LIMCH1: variants seen among roughly 807,000 people sequenced by gnomAD.
LIMCH1 encodes LIM and calponin homology domains 1.
In LIMCH1, 113 loss-of-function variants were observed where a neutral mutation model predicts 176.5. That is an observed-to-expected ratio of 0.64 (90% confidence interval 0.55 to 0.75). The LOEUF (loss-of-function observed/expected upper bound fraction) is 0.75, where lower values mean the gene tolerates loss of function less well. Among genes scored for constraint, LIMCH1 ranks in the 30% least tolerant of loss-of-function variants. LIMCH1 has a pLI of 0.00. For missense variants in LIMCH1, 1,674 were observed against 1,814.9 expected (o/e 0.92, Z 1.41); for synonymous variants, 619 against 645.9 (o/e 0.96, Z 0.63).
intron 1 of LIMCH1, among the ~76,000 whole-genome samples, chr4:41,551,799 G>A (rs2080471285): frequency 6.6e-6 from 1 of 152,118 alleles, no homozygotes; most frequent in Non-Finnish European, 1.5e-5. Flanking sequence ...ATACCACAGT[G>A]GCAGAGTAGA....
intron 1 of LIMCH1, among the ~76,000 whole-genome samples, chr4:41,375,229 G>T (rs2054559092): frequency 6.6e-6 from 1 of 152,152 alleles, no homozygotes; most frequent in South Asian, 2.1e-4. Context: ...GTGAGTATAA[G>T]ATTATAAGCT....
intron 19 of LIMCH1, 60 bp downstream of exon 19, chr4:41,661,570 G>A (rs2094620654): frequency 8.2e-7 from 1 of 1,219,636 alleles, no homozygotes; most frequent in Admixed American, 1.9e-5. Context: ...AGATGTAATG[G>A]AAATAGTCAA....
intron 1 of LIMCH1, chr4:41,472,980 C>CTTT: frequency 2.6e-6 from 2 of 778,400 alleles, no homozygotes; most frequent in Non-Finnish European, 3.1e-6. Context: ...TGCTGTAAGC[C>CTTT]TTTTTTTTTT....
At chr4:41,394,186 T>A (rs1314803337) in intron 1 of LIMCH1, among the ~76,000 whole-genome samples, 2 of 152,152 alleles carry the variant, frequency 1.3e-5, no homozygotes, top group Middle Eastern at 3.2e-3. Context: ...ATTGACAGTT[T>A]TGATTGAGTC....
rs200145282 is a variant in LIMCH1 at position 41,554,396 on chromosome 4, T to G, written c.-241+16046T>G. 4.6e-5 allele frequency among the ~76,000 whole-genome samples: 7 copies of G among 152,184 alleles called. No individual in the cohort carries two copies. The East Asian group carries it at 1.3e-3, about 29-fold the overall frequency. ...GTTGGCAATGCCAGGCATGTGCTCATGCTTCCCAATTCCTTCTGCTGTCAC... is the reference window on the plus strand; with the variant it reads ...GTTGGCAATGCCAGGCATGTGCTCAGGCTTCCCAATTCCTTCTGCTGTCAC... On this transcript the variant is annotated intron_variant, in intron 1 of 31. Transcript: ENST00000503057.
chr4:41,479,243 A>G (rs1327037478), intron 1 of LIMCH1, among the ~76,000 whole-genome samples: 1 of 152,138 alleles, frequency 6.6e-6, no homozygotes, highest in South Asian at 2.1e-4. Context: ...TATAACCACC[A>G]TGCCATTATC....
intron 18 of LIMCH1, among the ~76,000 whole-genome samples, chr4:41,657,890 C>T (rs2094506320): frequency 6.6e-6 from 1 of 151,822 alleles, no homozygotes; most frequent in Non-Finnish European, 1.5e-5. Flanking sequence ...CAGGAGAGTT[C>T]TAATCTTTTG....
chr4:41,560,401 G>A (rs60476640), intron 1 of LIMCH1, among the ~76,000 whole-genome samples: 8,865 of 152,250 alleles, frequency 0.058, 838 homozygotes, highest in African/African-American at 0.2. Flanking sequence ...AAGTCTGACT[G>A]TCATTTACCT....
At chr4:41,518,574 G>A (rs563922849) in intron 2 of LIMCH1, among the ~76,000 whole-genome samples, 1 of 152,190 alleles carries the variant, frequency 6.6e-6, no homozygotes, top group East Asian at 1.9e-4. Context: ...TTTCTTTTTT[G>A]TTGTTAATTT....
chr4:41,549,063 T>A (rs1005952691), intron 1 of LIMCH1, among the ~76,000 whole-genome samples: 1 of 151,154 alleles, frequency 6.6e-6, no homozygotes, highest in Non-Finnish European at 1.5e-5. Flanking sequence ...CTGTTAATTT[T>A]TTTTTTTAAA....
intron 18 of LIMCH1, among the ~76,000 whole-genome samples, chr4:41,658,485 G>T (rs1156510867): frequency 6.6e-6 from 1 of 152,178 alleles, no homozygotes; most frequent in South Asian, 2.1e-4. Flanking sequence ...GCTGGAATGT[G>T]GTATGCTGGT....
chr4:41,386,102 A>C (rs2056457213), intron 1 of LIMCH1: 1 of 152,224 alleles, frequency 6.6e-6, no homozygotes, highest in Non-Finnish European at 1.5e-5. Flanking sequence ...AAGTAGAATC[A>C]AGCCATGTAC....
chr4:41,443,508 A>G (rs6851321), intron 1 of LIMCH1, among the ~76,000 whole-genome samples: 19,441 of 152,222 alleles, frequency 0.13, 3,730 homozygotes, highest in African/African-American at 0.41. Flanking sequence ...TTATTATCCA[A>G]TGAAACCATT....
intron 21 of LIMCH1, among the ~76,000 whole-genome samples, chr4:41,669,264 A>G (rs2094933503): frequency 6.6e-6 from 1 of 152,204 alleles, no homozygotes; most frequent in Non-Finnish European, 1.5e-5. Context: ...GAGAATCCAT[A>G]AAAAGTGTTT....
Position 41,401,600 on chromosome 4 carries a change from T to G in LIMCH1, c.96+40664T>G, listed in dbSNP as rs554979683. Among the ~76,000 whole-genome samples, 1,341 of 152,102 alleles carry G rather than the reference T, an allele frequency of 8.8e-3. 30 individuals carry two copies. Among genetic ancestry groups the G allele is most frequent in the African/African-American group, 0.031 (1,283 of 41,508 alleles). On this transcript the variant is annotated intron_variant, in intron 1 of 26. Coordinates refer to the LIMCH1 transcript ENST00000313860. ...ATTGGTAGCTTGATGGGGATGGCAT[T>G]GAATCTATAAATTACCTTGGGCAGT... is the stretch of plus-strand genomic sequence containing the variant.
intron 29 of LIMCH1, chr4:41,688,795 G>T (rs890630388): frequency 6.6e-6 from 1 of 152,440 alleles, no homozygotes; most frequent in African/African-American, 2.4e-5. Flanking sequence ...ACTGTACTGG[G>T]TGCTGCAGGG....
In LIMCH1 at chr4:41,440,386, C is replaced by A. The variant is rs540080830; in HGVS notation, c.97-54150C>A. Among the ~76,000 whole-genome samples, 10 of 152,178 alleles carry A rather than the reference C, an allele frequency of 6.6e-5. No individual in the cohort carries two copies. In the South Asian group the frequency reaches 1.7e-3, roughly 25 times the overall value. ...AAACCTGTCAGAAGTGTGAATACTG[C>A]CTGTACTTAGCAGAGCAATTTGTTA... On this transcript the variant is annotated intron_variant, in intron 1 of 26. Transcript: ENST00000313860.
At chr4:41,584,232 A>G (rs1237793564) in intron 1 of LIMCH1, among the ~76,000 whole-genome samples, 1 of 152,198 alleles carries the variant, frequency 6.6e-6, no homozygotes, top group Non-Finnish European at 1.5e-5. Context: ...GTATGCAGAG[A>G]TGAATCAGAC....
rs372784888 is a variant in LIMCH1, at chr4:41,367,621, A to C, written c.96+6685A>C. 5.0e-5 allele frequency among the ~76,000 whole-genome samples: 7 copies of C among 141,256 alleles called. No homozygotes were observed. In the East Asian group the frequency reaches 1.5e-3, roughly 31 times the overall value. 92.7% of individuals were successfully genotyped at this position (141,256 alleles called of 152,430 possible). On this transcript the variant is annotated intron_variant, in intron 1 of 26. Transcript: ENST00000313860. The stretch of plus-strand genomic sequence containing the variant: ...TATGGGAGGCCAAGGCTGGTGGATC[A>C]TGAGGTTTGGAGATCCAGACCATTC...
Sources: allele counts gnomAD v4.1 joint callset (sites outside exome capture counted in the v4.1 genomes callset), GRCh38; gene constraint gnomAD v4.1.1; transcripts MANE v1.5; gene names NCBI Gene and HGNC (gene_info 2026-07-23, HGNC 2026-07-21).